CAB39: variants seen among roughly 807,000 people sequenced by gnomAD.
CAB39 encodes the protein calcium binding protein 39.
In CAB39, 8 loss-of-function variants were observed where a neutral mutation model predicts 40.0. That is an observed-to-expected ratio of 0.20 (90% confidence interval 0.12 to 0.36). The LOEUF (loss-of-function observed/expected upper bound fraction) is 0.36. Ranked by LOEUF, CAB39 falls within the 10% of genes least tolerant of loss-of-function variation. The pLI is 1.00. For synonymous variants in CAB39, 156 were observed against 141.6 expected (o/e 1.10, Z -0.72); for missense variants, 270 against 401.1 (o/e 0.67, Z 2.79).
intron 1 of CAB39, among the ~76,000 whole-genome samples, chr2:230,751,450 A>G (rs1490781033): frequency 1.3e-5 from 2 of 152,186 alleles, no homozygotes; most frequent in African/African-American, 2.4e-5. Context: ...TGACTGGCTT[A>G]TGGACCTTTT....
chr2:230,721,601 C>T (rs1013681246), intron 1 of CAB39, among the ~76,000 whole-genome samples: 9 of 152,176 alleles, frequency 5.9e-5, no homozygotes, highest in South Asian at 2.1e-4. Context: ...ATAAGTTCCA[C>T]GTAAAGCCGT....
At chr2:230,814,824 T>C (rs972557350) in intron 7 of CAB39, among the ~76,000 whole-genome samples, 7 of 152,200 alleles carry the variant, frequency 4.6e-5, no homozygotes, top group Non-Finnish European at 1.0e-4. Flanking sequence ...AAAGTTCTTA[T>C]AGCAGTTAAG....
chr2:230,749,235 T>TCTAC (rs1458456083), intron 1 of CAB39, among the ~76,000 whole-genome samples: 2 of 152,076 alleles, frequency 1.3e-5, no homozygotes, highest in African/African-American at 4.8e-5. Context: ...ATGCTCAAAT[T>TCTAC]CTACCATCTT....
At chr2:230,782,813 C>CTTTTTTTTTTTTTTTTTTTT (rs1212977897) in intron 2 of CAB39, among the ~76,000 whole-genome samples, 9 of 81,768 alleles carry the variant, frequency 1.1e-4, no homozygotes, top group African/African-American at 2.5e-4. Context: ...TTCTTTCTTT[C>CTTTTTTTTTTTTTTTTTTTT]TTTTTTTTTT....
At chr2:230,800,787 G>C (rs1696077074) in intron 5 of CAB39, among the ~76,000 whole-genome samples, 1 of 152,204 alleles carries the variant, frequency 6.6e-6, no homozygotes, top group South Asian at 2.1e-4. Flanking sequence ...AGGTGGCTCA[G>C]AGGTGAGAGA....
intron 2 of CAB39, among the ~76,000 whole-genome samples, chr2:230,785,432 G>A (rs1364128020): frequency 2.0e-5 from 3 of 152,122 alleles, no homozygotes; most frequent in African/African-American, 7.2e-5. Context: ...GGGCCTATTC[G>A]ATTTTGTCAA....
At chr2:230,732,248 AT>A (rs1347818103) in intron 1 of CAB39, among the ~76,000 whole-genome samples, 6 of 151,994 alleles carry the variant, frequency 3.9e-5, no homozygotes, top group African/African-American at 9.7e-5. Flanking sequence ...CGCGCGGCTA[AT>A]TTTTTGTATT....
intron 2 of CAB39, among the ~76,000 whole-genome samples, chr2:230,775,835 T>G (rs966695654): frequency 2.6e-5 from 4 of 152,152 alleles, no homozygotes; most frequent in African/African-American, 9.7e-5. Context: ...GAGTCAAACC[T>G]TGTCCCCGTT....
At chr2:230,758,651 T>C (rs767978334) in intron 1 of CAB39, among the ~76,000 whole-genome samples, 4 of 152,192 alleles carry the variant, frequency 2.6e-5, no homozygotes, top group Non-Finnish European at 4.4e-5. Context: ...TATGATACTA[T>C]GCAATGGATG....
intron 1 of CAB39, among the ~76,000 whole-genome samples, chr2:230,750,052 A>G (rs1695058986): frequency 6.6e-6 from 1 of 152,238 alleles, no homozygotes; most frequent in Non-Finnish European, 1.5e-5. Context: ...AACTTCTTGT[A>G]GGAACGAACA....
chr2:230,742,635 A>G (rs1434980579), intron 1 of CAB39, among the ~76,000 whole-genome samples: 1 of 152,194 alleles, frequency 6.6e-6, no homozygotes, highest in Admixed American at 6.5e-5. Flanking sequence ...AGTCAATAAG[A>G]AAAGGACTCC....
intron 1 of CAB39, among the ~76,000 whole-genome samples, chr2:230,748,825 AAAAAAAATATATATATATATATAT>A (rs1695026131): frequency 1.7e-5 from 1 of 59,218 alleles, no homozygotes; most frequent in African/African-American, 6.1e-5. Context: ...AAAAAAAAAA[AAAAAAAATATATATATATATATAT>A]ATATATATAT....
intron 3 of CAB39, 98 bp from the exon 4 acceptor site, chr2:230,793,112 TAAC>T (rs1695918737): frequency 4.6e-6 from 3 of 647,942 alleles, no homozygotes; most frequent in Non-Finnish European, 8.4e-6. Context: ...TATTCAGTCA[TAAC>T]AATAAGTACA....
rs74400635 is a variant in CAB39 at position 230,780,589 on chromosome 2, A to G, written c.115-10283A>G. On this transcript the variant is annotated intron_variant, in intron 2 of 8. Coordinates refer to ENST00000258418, the MANE Select transcript of CAB39 (RefSeq NM_016289.4). ...CAGCTATTTTATAGAGTGTCCCTTG[A>G]TTTAGGTTTGCCTGATGTTTCTTCA... Among the ~76,000 whole-genome samples the G allele has an allele frequency of 8.9e-3, 1,355 of 152,154 alleles. 13 individuals carry two copies. Among genetic ancestry groups the G allele is most frequent in the African/African-American group, 0.031 (1,293 of 41,488 alleles).
At chr2:230,724,993 T>G (rs1415176890) in intron 1 of CAB39, 9 of 935,048 alleles carry the variant, frequency 9.6e-6, no homozygotes, top group Non-Finnish European at 1.5e-5. Context: ...GTTGAAATGG[T>G]TAGGGGAGAA....
intron 2 of CAB39, among the ~76,000 whole-genome samples, chr2:230,770,084 A>G (rs1487713080): frequency 6.6e-6 from 1 of 152,204 alleles, no homozygotes; most frequent in African/African-American, 2.4e-5. Context: ...TTTAAAAAGA[A>G]GAAAGGTCTG....
chr2:230,772,790 T>A lies in CAB39; in HGVS notation c.114+12675T>A, dbSNP rs573688983. 7.2e-5 allele frequency among the ~76,000 whole-genome samples: 11 copies of A among 152,248 alleles called. No individual in the cohort carries two copies. In the South Asian group the frequency reaches 2.3e-3, roughly 32 times the overall value. ...GTGAGACACCACGCCTGGCCTAGTT[T>A]GGCAGCTTTTTAAACCAAACTCGAA... On this transcript the variant is annotated intron_variant, in intron 2 of 8. Coordinates refer to ENST00000258418, the MANE Select transcript of CAB39 (RefSeq NM_016289.4).
At chr2:230,815,343 G>T (rs545464508) in intron 7 of CAB39, among the ~76,000 whole-genome samples, 12 of 152,274 alleles carry the variant, frequency 7.9e-5, no homozygotes, top group Admixed American at 2.0e-4. Context: ...TTTCATCTTT[G>T]GGGGGTTGGA....
intron 1 of CAB39, among the ~76,000 whole-genome samples, chr2:230,756,070 C>T (rs1307048385): frequency 6.6e-6 from 1 of 152,158 alleles, no homozygotes; most frequent in Non-Finnish European, 1.5e-5. Flanking sequence ...GCTGAAGAGT[C>T]CACTCTTAAA....
Sources: allele counts gnomAD v4.1 joint callset (sites outside exome capture counted in the v4.1 genomes callset), GRCh38; gene constraint gnomAD v4.1.1; transcripts MANE v1.5; gene names NCBI Gene and HGNC (gene_info 2026-07-23, HGNC 2026-07-21).